MGAT4C: variants seen among roughly 807,000 people sequenced by gnomAD.
MGAT4C encodes alpha-1,3-mannosyl-glycoprotein 4-beta-N-acetylglucosaminyltransferase C.
MGAT4C carries 19 observed loss-of-function variants against 40.1 expected under a neutral mutation model. That is an observed-to-expected ratio of 0.47 (90% confidence interval 0.33 to 0.70). The LOEUF (loss-of-function observed/expected upper bound fraction) is 0.70, where lower values mean the gene tolerates loss of function less well. Among genes scored for constraint, MGAT4C ranks in the 30% least tolerant of loss-of-function variants. MGAT4C has a pLI of 0.02. For missense variants in MGAT4C, 491 were observed against 563.2 expected, an observed-to-expected ratio of 0.87 and a Z score of 1.30; for synonymous variants, 181 against 187.1, an observed-to-expected ratio of 0.97 and a Z score of 0.27.
At chr12:86,011,087 A>G (rs1359445218) in intron 2 of MGAT4C, among the ~76,000 whole-genome samples, 1 of 152,232 alleles carries the variant, frequency 6.6e-6, no homozygotes, top group Non-Finnish European at 1.5e-5. Context: ...AGATAGCAAC[A>G]GAAAACACAC....
intron 2 of MGAT4C, among the ~76,000 whole-genome samples, chr12:86,702,140 G>C (rs576790259): frequency 6.6e-6 from 1 of 151,760 alleles, no homozygotes; most frequent in African/African-American, 2.4e-5. Flanking sequence ...TCCCACCTCA[G>C]TCTCTCAGTC....
intron 1 of MGAT4C, among the ~76,000 whole-genome samples, chr12:86,128,244 T>C (rs1403229493): frequency 6.6e-6 from 1 of 152,194 alleles, no homozygotes; most frequent in African/African-American, 2.4e-5. Context: ...ATGCAACACA[T>C]GATAATATGG....
At chr12:86,707,279 G>A (rs1180446291) in intron 2 of MGAT4C, among the ~76,000 whole-genome samples, 1 of 152,190 alleles carries the variant, frequency 6.6e-6, no homozygotes, top group Non-Finnish European at 1.5e-5. Context: ...GAAAATGTGG[G>A]AAAGTTTGGA....
intron 1 of MGAT4C, among the ~76,000 whole-genome samples, chr12:86,760,402 AG>A (rs1289725046): frequency 6.6e-6 from 1 of 151,970 alleles, no homozygotes; most frequent in Non-Finnish European, 1.5e-5. Flanking sequence ...TTTTTGGATA[AG>A]TAGCTTTTCC....
intron 2 of MGAT4C, among the ~76,000 whole-genome samples, chr12:86,594,934 A>T (rs995805523): frequency 6.6e-6 from 1 of 152,204 alleles, no homozygotes; most frequent in African/African-American, 2.4e-5. Context: ...GGCCTCCTGT[A>T]AATTTTATTT....
intron 3 of MGAT4C, among the ~76,000 whole-genome samples, chr12:86,402,844 T>C (rs1327568014): frequency 2.0e-5 from 3 of 152,178 alleles, no homozygotes; most frequent in Admixed American, 6.5e-5. Context: ...TTTAATGTGA[T>C]TTTAAATTGC....
chr12:86,400,047 C>G (rs1178535230), intron 3 of MGAT4C, among the ~76,000 whole-genome samples: 1 of 152,108 alleles, frequency 6.6e-6, no homozygotes, highest in East Asian at 1.9e-4. Flanking sequence ...ACTGAGTCCT[C>G]AATCTGTGGG....
chr12:86,673,823 GA>G (rs1030401205), intron 2 of MGAT4C, among the ~76,000 whole-genome samples: 25 of 149,266 alleles, frequency 1.7e-4, no homozygotes, highest in East Asian at 1.2e-3. Flanking sequence ...ATGGATCTGA[GA>G]AAAAAAAACA....
At chr12:86,152,399 A>G (rs1884403585) in intron 1 of MGAT4C, among the ~76,000 whole-genome samples, 1 of 152,220 alleles carries the variant, frequency 6.6e-6, no homozygotes, top group Admixed American at 6.5e-5. Context: ...ACATAGCAGA[A>G]CAGTGGAGGA....
At chr12:86,574,286 C>T (rs1425549874) in intron 2 of MGAT4C, among the ~76,000 whole-genome samples, 2 of 151,684 alleles carry the variant, frequency 1.3e-5, no homozygotes, top group Non-Finnish European at 2.9e-5. Flanking sequence ...TTTTTCTGCT[C>T]ACAGTGTCCA....
chr12:86,566,044 G>A (rs552908299), intron 2 of MGAT4C, among the ~76,000 whole-genome samples: 12 of 152,280 alleles, frequency 7.9e-5, no homozygotes, highest in East Asian at 3.9e-4. Flanking sequence ...GCTACTTGGC[G>A]ACAAGTTGAT....
At chr12:86,392,506 A>C (rs1956177416) in intron 3 of MGAT4C, among the ~76,000 whole-genome samples, 1 of 152,142 alleles carries the variant, frequency 6.6e-6, no homozygotes, top group Admixed American at 6.6e-5. Flanking sequence ...ACAAACCAGA[A>C]GAATTAGGTA....
intron 1 of MGAT4C, among the ~76,000 whole-genome samples, chr12:86,178,173 T>C (rs1593156051): frequency 6.6e-6 from 1 of 152,202 alleles, no homozygotes; most frequent in Non-Finnish European, 1.5e-5. Context: ...CCTGACCTTG[T>C]GATCCGCCCG....
chr12:86,305,467 G>T lies in MGAT4C; in HGVS notation c.-57+28598C>A, dbSNP rs187374223. Among the ~76,000 whole-genome samples the T allele has an allele frequency of 6.0e-3, 885 of 147,062 alleles. 9 individuals carry two copies. Among genetic ancestry groups the T allele is most frequent in the Middle Eastern group, 0.01 (3 of 290 alleles). ...AGAAAAAAAAAAAAAAAGAAAGAAA[G>T]AAATGCTGTTATGTTTTGATTATGG... On this transcript the variant is annotated intron_variant, in intron 4 of 7. Coordinates refer to the MGAT4C transcript ENST00000548651.
At position 86,034,278 on chromosome 12, in the gene MGAT4C, G is replaced by A. The variant is rs185764955; in HGVS notation, c.-7+15396C>T. 3.9e-3 allele frequency among the ~76,000 whole-genome samples: 585 copies of A among 149,654 alleles called. 18 individuals carry two copies. Among genetic ancestry groups the A allele is most frequent in the African/African-American group, 0.014 (560 of 41,234 alleles). Reference sequence around the variant, plus strand: ...GATGCTAGCCTCCTAGAATGAGTTAGGAAGGAGTCCCTTCTCTTCAAATTT... The same window carrying A: ...GATGCTAGCCTCCTAGAATGAGTTAAGAAGGAGTCCCTTCTCTTCAAATTT... On this transcript the variant is annotated intron_variant, in intron 2 of 4. Transcript: ENST00000611864.
At chr12:86,200,708 CAG>C in intron 1 of MGAT4C, among the ~76,000 whole-genome samples, 1 of 152,126 alleles carries the variant, frequency 6.6e-6, no homozygotes, top group South Asian at 2.1e-4. Flanking sequence ...TACAATTTGT[CAG>C]AGAGATGGTG....
At chr12:86,487,653 G>A (rs1698706821) in intron 2 of MGAT4C, among the ~76,000 whole-genome samples, 1 of 152,036 alleles carries the variant, frequency 6.6e-6, no homozygotes. Context: ...TACATAATAT[G>A]TCATTTTAAG....
intron 2 of MGAT4C, among the ~76,000 whole-genome samples, chr12:85,992,013 C>T (rs369358977): frequency 5.3e-5 from 8 of 152,142 alleles, no homozygotes; most frequent in Non-Finnish European, 7.3e-5. Flanking sequence ...TAGCAACATA[C>T]GTTTCTGGCC....
intron 1 of MGAT4C, among the ~76,000 whole-genome samples, chr12:86,239,665 G>T (rs1951695326): frequency 1.3e-5 from 2 of 151,876 alleles, no homozygotes; most frequent in Admixed American, 6.6e-5. Flanking sequence ...AGGATTTTAG[G>T]TAAGCTATAA....
Sources: allele counts gnomAD v4.1 joint callset (sites outside exome capture counted in the v4.1 genomes callset), GRCh38; gene constraint gnomAD v4.1.1; transcripts MANE v1.5; gene names NCBI Gene and HGNC (gene_info 2026-07-23, HGNC 2026-07-21).